Variants in MAST2 observed in about 807,000 individuals in gnomAD.
The protein encoded by MAST2 is microtubule-associated serine/threonine-protein kinase 2.
Under a neutral mutation model 147.4 loss-of-function variants are expected in MAST2, and 70 were observed. The ratio of observed to expected loss-of-function variants is 0.47; its 90% CI spans 0.39 to 0.58. MAST2 has a LOEUF of 0.58. MAST2 is among the 20% of genes least tolerant of loss of function. The probability of loss-of-function intolerance (pLI) is 0.00; values close to 1 mark genes in which losing one functional copy is unlikely to be tolerated. For missense variants in MAST2, 2,080 were observed against 2,302.3 expected (o/e 0.90, Z 1.98); for synonymous variants, 869 against 896.8 (o/e 0.97, Z 0.55).
intron 4 of MAST2, among the ~76,000 whole-genome samples, chr1:45,924,255 G>A (rs1326777842): frequency 6.6e-6 from 1 of 152,092 alleles, no homozygotes; most frequent in Non-Finnish European, 1.5e-5. Context: ...TTTGTTCTCT[G>A]TACTCAAATT....
At chr1:45,816,146 C>T (rs940228266) in intron 1 of MAST2, among the ~76,000 whole-genome samples, 1 of 151,156 alleles carries the variant, frequency 6.6e-6, no homozygotes, top group Admixed American at 6.6e-5. Flanking sequence ...TTTCTGCAGC[C>T]TGTGGCAGAG....
At chr1:45,880,195 A>G (rs979394228) in intron 3 of MAST2, among the ~76,000 whole-genome samples, 3 of 152,198 alleles carry the variant, frequency 2.0e-5, no homozygotes, top group Non-Finnish European at 4.4e-5. Context: ...GGAATTGGAG[A>G]AACGATAAAT....
At chr1:45,833,403 A>ACTT (rs1645015928) in intron 3 of MAST2, among the ~76,000 whole-genome samples, 1 of 130,410 alleles carries the variant, frequency 7.7e-6, no homozygotes, top group Non-Finnish European at 1.7e-5. Flanking sequence ...CTTCTTCTTA[A>ACTT]AAAAAAATTA....
intron 4 of MAST2, among the ~76,000 whole-genome samples, chr1:45,954,805 A>G (rs1290310737): frequency 6.6e-6 from 1 of 152,206 alleles, no homozygotes; most frequent in Admixed American, 6.5e-5. Context: ...CTTTATAAAA[A>G]GGCATGTGGC....
At chr1:45,948,943 T>C (rs1260673521) in intron 4 of MAST2, among the ~76,000 whole-genome samples, 7 of 152,102 alleles carry the variant, frequency 4.6e-5, no homozygotes, top group African/African-American at 1.7e-4. Context: ...TATGATAACC[T>C]GATCTTTGAC....
At chr1:46,021,400 G>A (rs1646172752) in intron 11 of MAST2, among the ~76,000 whole-genome samples, 1 of 152,244 alleles carries the variant, frequency 6.6e-6, no homozygotes, top group African/African-American at 2.4e-5. Flanking sequence ...TTTCCTCAGT[G>A]AGGTCAAAGA....
rs1169805119 is a variant in MAST2, at chr1:45,994,096, A to G, written c.593-3628A>G. Reference sequence around the variant, plus strand: ...ACATGGATGTATAACAATACATACAAATTATTATTAAGCAGGGAAGCTCAC... The same window carrying G: ...ACATGGATGTATAACAATACATACAGATTATTATTAAGCAGGGAAGCTCAC... On this transcript the variant is annotated intron_variant, in intron 5 of 28. Transcript: ENST00000361297. Among the ~76,000 whole-genome samples the G allele has an allele frequency of 2.0e-5, 3 of 152,052 alleles. No homozygotes were observed. In the East Asian group the frequency reaches 5.8e-4, roughly 29 times the overall value.
intron 8 of MAST2, among the ~76,000 whole-genome samples, chr1:46,007,875 G>A (rs1471310497): frequency 6.6e-6 from 1 of 152,140 alleles, no homozygotes; most frequent in Non-Finnish European, 1.5e-5. Context: ...AAAAATGTAC[G>A]TGTGCACCGT....
chr1:45,909,982 C>G (rs923480396), intron 4 of MAST2, among the ~76,000 whole-genome samples: 11 of 152,200 alleles, frequency 7.2e-5, no homozygotes, highest in African/African-American at 2.4e-4. Context: ...GCCTCGGCCT[C>G]CCAAAGTGCT....
In MAST2 at chr1:45,970,428, G is replaced by A. The variant is rs557079595; in HGVS notation, c.592+10951G>A. Among the ~76,000 whole-genome samples, 4 of 152,234 alleles carry A rather than the reference G, an allele frequency of 2.6e-5. No individual in the cohort carries two copies. The East Asian group carries it at 7.7e-4, about 29-fold the overall frequency. ...ACTTGTAATCCCAGCACTTTGGGAG[G>A]CCAAGGCAGGCGGATCACGAGGTCA... On this transcript the variant is annotated intron_variant, in intron 5 of 28. Transcript: ENST00000361297.
At chr1:45,916,192 A>G (rs2148609721) in intron 4 of MAST2, among the ~76,000 whole-genome samples, 1 of 152,312 alleles carries the variant, frequency 6.6e-6, no homozygotes, top group East Asian at 1.9e-4. Context: ...CACAAGTAGA[A>G]TGTCACTGTA....
intron 4 of MAST2, among the ~76,000 whole-genome samples, chr1:45,931,643 C>T (rs1382027541): frequency 6.6e-6 from 1 of 152,022 alleles, no homozygotes; most frequent in East Asian, 1.9e-4. Context: ...GCGCCCGCCA[C>T]CACACCTGGC....
At chr1:45,881,513 G>A (rs1034321906) in intron 3 of MAST2, among the ~76,000 whole-genome samples, 1 of 152,190 alleles carries the variant, frequency 6.6e-6, no homozygotes, top group South Asian at 2.1e-4. Flanking sequence ...ACTGGTGGGA[G>A]GTGGGACTTG....
At position 46,035,967 on chromosome 1, in the gene MAST2, G is replaced by A. The variant is rs1646890471; in HGVS notation, c.5298G>A (p.Gln1766=). ...CATGCCGAGGCTGCCCCCTCACCCA[G>A]AAGTCTGAGCCCAGCCTCAGGAGGG... ...DVPCRGCPLT[Q]KSEPSLRRGQ... Residue 1766 remains glutamine (Q), a synonymous_variant, in exon 29 of 29, where the codon CAG becomes CAA. Coordinates refer to ENST00000361297, the MANE Select transcript of MAST2 (RefSeq NM_015112.3). The surrounding 1 kb of genome is among the most constrained non-coding windows in gnomAD (Gnocchi z 5.5). 8 of 1,613,944 alleles carry A rather than the reference G, an allele frequency of 5.0e-6. No individual in the cohort carries two copies. The highest frequency in any genetic ancestry group is 5.9e-6 in the Non-Finnish European group (7 of 1,180,024).
rs1644731442 is a variant in MAST2, at chr1:45,824,493, T to G, written c.238T>G (p.Ser80Ala). 2.5e-6 allele frequency: 4 copies of G among 1,612,752 alleles called. No homozygotes were observed. In the Admixed American group the frequency reaches 5.0e-5, roughly 20 times the overall value. ...FRKLSNPDIF[S>A]STGKVKLQRQ... ...GAAACTCAGTAATCCTGACATATTT[T>G]CATCCACTGGAAAAGTTAAACTTCA... is the stretch of plus-strand genomic sequence containing the variant. The change falls in exon 2 of 29, where the codon TCA becomes GCA. Residue 80 changes from serine to alanine, a missense_variant. This residue lies in a region of MAST2 where 569 missense variants were observed against 642.5 expected (regional missense o/e 0.89). Transcript: ENST00000361297.
intron 3 of MAST2, among the ~76,000 whole-genome samples, chr1:45,872,732 C>T (rs1260576223): frequency 3.9e-5 from 6 of 151,968 alleles, no homozygotes; most frequent in South Asian, 2.1e-4. Context: ...CCACCAGCCT[C>T]GGCCTCCCAA....
chr1:45,972,811 G>T (rs192562977), intron 5 of MAST2, among the ~76,000 whole-genome samples: 1 of 152,070 alleles, frequency 6.6e-6, no homozygotes, highest in Non-Finnish European at 1.5e-5. Context: ...GATCTGTCTC[G>T]TAATCTGTTC....
Position 45,901,641 on chromosome 1 carries a change from T to G in MAST2, c.500+19246T>G, listed in dbSNP as rs559467685. Among the ~76,000 whole-genome samples, 20 of 152,324 alleles carry G rather than the reference T, an allele frequency of 1.3e-4. No individual in the cohort carries two copies. The South Asian group carries it at 3.7e-3, about 28-fold the overall frequency. On this transcript the variant is annotated intron_variant, in intron 4 of 28. Coordinates refer to ENST00000361297, the MANE Select transcript of MAST2 (RefSeq NM_015112.3). ...CATAGGATGTTTTTCCATTTGTTTG[T>G]GTTGTCTGTGATTTCTTTCATCAGT... is the stretch of plus-strand genomic sequence containing the variant.
chr1:46,022,847 G>T (rs1646245268), intron 12 of MAST2, 63 bp from the exon 13 acceptor site: 2 of 1,221,312 alleles, frequency 1.6e-6, no homozygotes, highest in South Asian at 2.4e-5. Context: ...TGTGTGATCT[G>T]AGGATACTGC....
Sources: gnomAD v4.1 joint callset for allele counts (sites outside exome capture counted in the v4.1 genomes callset) on GRCh38, gnomAD v4.1.1 for gene constraint, gnomAD v4.1.1 regional missense constraint, Gnocchi (gnomAD v3.1) non-coding constraint, MANE v1.5 for transcripts, NCBI Gene and HGNC (gene_info 2026-07-23, HGNC 2026-07-21) for gene names.